Variants in OSBP2 observed in about 807,000 individuals in gnomAD.
The protein encoded by OSBP2 is oxysterol binding protein 2, also known as oxysterol-binding protein 2.
In OSBP2, 66 loss-of-function variants were observed where a neutral mutation model predicts 96.0. The observed-to-expected ratio is 0.69, with a 90% CI of 0.56 to 0.84. The LOEUF (loss-of-function observed/expected upper bound fraction) is 0.84. OSBP2 is among the 40% of genes least tolerant of loss of function. The pLI, the probability that OSBP2 is intolerant of heterozygous loss-of-function variation, is 0.00. For synonymous variants in OSBP2, 525 were observed against 520.9 expected, an observed-to-expected ratio of 1.01 and a Z score of -0.11; for missense variants, 1,038 against 1,222.7, an observed-to-expected ratio of 0.85 and a Z score of 2.25.
intron 2 of OSBP2, among the ~76,000 whole-genome samples, chr22:30,869,220 G>A (rs1268645066): frequency 7.9e-5 from 12 of 152,210 alleles, no homozygotes; most frequent in Admixed American, 7.9e-4. Flanking sequence ...GGGCGTGGGA[G>A]CTGGCAGAGG....
intron 1 of OSBP2, among the ~76,000 whole-genome samples, chr22:30,735,410 CTTTTTTTTTT>C (rs774749546): frequency 2.0e-5 from 2 of 100,598 alleles, no homozygotes; most frequent in Non-Finnish European, 3.9e-5. Flanking sequence ...TCTTCTCTCT[CTTTTTTTTTT>C]TTTTTTTTTT....
intron 3 of OSBP2, among the ~76,000 whole-genome samples, chr22:30,882,294 C>T (rs934019575): frequency 4.6e-5 from 7 of 152,194 alleles, no homozygotes; most frequent in Admixed American, 3.3e-4. Flanking sequence ...CTCTGGGATC[C>T]CACAACATCC....
At chr22:30,825,277 C>CA (rs1445403599) in intron 2 of OSBP2, among the ~76,000 whole-genome samples, 1 of 152,178 alleles carries the variant, frequency 6.6e-6, no homozygotes, top group African/African-American at 2.4e-5. Flanking sequence ...CACCTGAGGT[C>CA]AGGAGTTCGA....
At chr22:30,866,260 AGTAGAAGATGCCTC>A (rs1193667102) in intron 2 of OSBP2, among the ~76,000 whole-genome samples, 2 of 152,146 alleles carry the variant, frequency 1.3e-5, no homozygotes, top group African/African-American at 4.8e-5. Context: ...GATCAGAGAG[AGTAGAAGATGCCTC>A]TTTGCTGGCT....
chr22:30,778,074 C>G (rs1421690211), intron 2 of OSBP2, among the ~76,000 whole-genome samples: 2 of 151,794 alleles, frequency 1.3e-5, no homozygotes, highest in Non-Finnish European at 2.9e-5. Flanking sequence ...CGGTTCACTG[C>G]AACTCTGCCT....
At chr22:30,774,285 GT>G (rs1403864792) in intron 2 of OSBP2, among the ~76,000 whole-genome samples, 1 of 152,222 alleles carries the variant, frequency 6.6e-6, no homozygotes, top group African/African-American at 2.4e-5. Context: ...GGACAAATGA[GT>G]GTGTGCTGGC....
intron 1 of OSBP2, 48 bp from the exon 2 acceptor site, chr22:30,741,113 C>A: frequency 7.1e-7 from 1 of 1,417,006 alleles, no homozygotes; most frequent in Non-Finnish European, 9.9e-7. Flanking sequence ...TAGTCTGGAG[C>A]CATTGAGATT....
At chr22:30,901,972 T>C (rs2040206431) in intron 12 of OSBP2, among the ~76,000 whole-genome samples, 1 of 152,076 alleles carries the variant, frequency 6.6e-6, no homozygotes, top group Admixed American at 6.6e-5. Flanking sequence ...CATGAGACTA[T>C]TCCAATAACA....
intron 12 of OSBP2, among the ~76,000 whole-genome samples, chr22:30,895,174 G>T (rs563078319): frequency 6.6e-6 from 1 of 152,126 alleles, no homozygotes; most frequent in Non-Finnish European, 1.5e-5. Context: ...ATGCACATTC[G>T]CTTCTGAGTG....
chr22:30,757,819 T>TCTCA lies in OSBP2; in HGVS notation c.853+16451_853+16454dup, dbSNP rs1602223754. Among the ~76,000 whole-genome samples, 3 of 152,262 alleles carry TCTCA rather than the reference T, an allele frequency of 2.0e-5. No homozygotes were observed. The East Asian group carries it at 5.8e-4, about 29-fold the overall frequency. On this transcript the variant is annotated intron_variant, in intron 2 of 13. Coordinates refer to ENST00000332585, the MANE Select transcript of OSBP2 (RefSeq NM_030758.4). Reference sequence around the variant, plus strand: ...TACTTTGAAACTGTACTAGCCAAGGTCTCAGGTCACTTTCCAGACCTGGCA... The same window carrying TCTCA: ...TACTTTGAAACTGTACTAGCCAAGGTCTCACTCAGGTCACTTTCCAGACCTGGCA...
intron 2 of OSBP2, among the ~76,000 whole-genome samples, chr22:30,790,672 A>C (rs1400015940): frequency 1.4e-5 from 2 of 147,296 alleles, no homozygotes; most frequent in Non-Finnish European, 3.0e-5. Context: ...AAAAAAAAAG[A>C]GGGAGCATAC....
intron 2 of OSBP2, among the ~76,000 whole-genome samples, chr22:30,856,535 C>T (rs1192425857): frequency 6.6e-6 from 1 of 151,616 alleles, no homozygotes; most frequent in African/African-American, 2.4e-5. Flanking sequence ...TACAGGCATG[C>T]GCCACCATGC....
At chr22:30,712,739 T>C (rs1387463615) in intron 1 of OSBP2, among the ~76,000 whole-genome samples, 1 of 152,126 alleles carries the variant, frequency 6.6e-6, no homozygotes, top group Non-Finnish European at 1.5e-5. Context: ...TGTTCATCAT[T>C]TCTGTCCATA....
intron 1 of OSBP2, among the ~76,000 whole-genome samples, chr22:30,698,685 G>A (rs1248269951): frequency 2.0e-5 from 3 of 151,996 alleles, no homozygotes; most frequent in East Asian, 1.9e-4. Context: ...TGATCTGCCC[G>A]CCTTGGCCTC....
rs577728063 is a variant in OSBP2, at chr22:30,828,518, T to C, written c.854-41911T>C. Among the ~76,000 whole-genome samples the C allele has an allele frequency of 3.9e-5, 6 of 152,200 alleles. No individual in the cohort carries two copies. In the East Asian group the frequency reaches 9.7e-4, roughly 25 times the overall value. On this transcript the variant is annotated intron_variant, in intron 2 of 13. Transcript: ENST00000332585. ...GCTGGCCATGCCAAGTAGAGAAGAT[T>C]GAGAATATGCACAGAGCTTGAGGCA...
intron 2 of OSBP2, among the ~76,000 whole-genome samples, chr22:30,842,381 C>A (rs968916589): frequency 6.6e-6 from 1 of 152,054 alleles, no homozygotes; most frequent in African/African-American, 2.4e-5. Flanking sequence ...TGGTGGAGGG[C>A]CTTGCCTTGA....
chr22:30,808,649 T>C (rs1169170914), intron 2 of OSBP2, among the ~76,000 whole-genome samples: 1 of 152,156 alleles, frequency 6.6e-6, no homozygotes. Context: ...GATGTCCTTA[T>C]GAGAAGAGAG....
intron 2 of OSBP2, among the ~76,000 whole-genome samples, chr22:30,863,729 C>T (rs1294757130): frequency 1.3e-5 from 2 of 152,228 alleles, no homozygotes; most frequent in Non-Finnish European, 2.9e-5. Flanking sequence ...ATTAATCACA[C>T]TGTGGGCCCG....
intron 2 of OSBP2, among the ~76,000 whole-genome samples, chr22:30,861,765 G>C (rs556212035): frequency 6.6e-6 from 1 of 152,130 alleles, no homozygotes; most frequent in African/African-American, 2.4e-5. Context: ...ATCTTTCTGG[G>C]TTCCCCAATC....
Sources: allele counts gnomAD v4.1 joint callset (sites outside exome capture counted in the v4.1 genomes callset), GRCh38; gene constraint gnomAD v4.1.1; transcripts MANE v1.5; gene names NCBI Gene and HGNC (gene_info 2026-07-23, HGNC 2026-07-21).